NRXN1: variants seen among roughly 807,000 people sequenced by gnomAD.
The protein encoded by NRXN1 is neurexin-1.
In NRXN1, 39 loss-of-function variants were observed where a neutral mutation model predicts 150.9. The ratio of observed to expected loss-of-function variants is 0.26; its 90% CI spans 0.20 to 0.34. The LOEUF (loss-of-function observed/expected upper bound fraction) is 0.34. NRXN1 is among the 10% of genes least tolerant of loss of function. The pLI, the probability that NRXN1 is intolerant of heterozygous loss-of-function variation, is 1.00. For missense variants in NRXN1, 1,815 were observed against 1,949.9 expected (o/e 0.93, Z 1.30); for synonymous variants, 924 against 757.0 (o/e 1.22, Z -3.62).
chr2:50,887,875 T>C (rs1436647772), intron 5 of NRXN1, among the ~76,000 whole-genome samples: 1 of 151,338 alleles, frequency 6.6e-6, no homozygotes, highest in African/African-American at 2.4e-5. Context: ...TCCAAAGTTG[T>C]TGACACCAAG....
intron 5 of NRXN1, chr2:50,632,859 GTATCAA>G (rs1400077441): frequency 6.6e-6 from 1 of 151,854 alleles, no homozygotes; most frequent in Non-Finnish European, 1.5e-5. Flanking sequence ...GTGTGTAGAT[GTATCAA>G]TATCTATTTA....
chr2:49,955,611 G>T (rs1245317739), intron 21 of NRXN1, among the ~76,000 whole-genome samples: 2 of 149,346 alleles, frequency 1.3e-5, no homozygotes, highest in South Asian at 2.1e-4. Context: ...ATCATTTTGG[G>T]TTTTTTTTTT....
chr2:50,252,371 G>T (rs2067210872), intron 17 of NRXN1, among the ~76,000 whole-genome samples: 1 of 145,970 alleles, frequency 6.9e-6, no homozygotes, highest in African/African-American at 2.5e-5. Flanking sequence ...TGATTCTCCT[G>T]CCTCAGCCTC....
At chr2:50,261,066 G>T (rs377341833) in intron 17 of NRXN1, among the ~76,000 whole-genome samples, 1 of 151,676 alleles carries the variant, frequency 6.6e-6, no homozygotes, top group Non-Finnish European at 1.5e-5. Flanking sequence ...TTTCCCCCCA[G>T]ATTGATTTCA....
At chr2:50,047,231 A>C (rs1691951804) in intron 21 of NRXN1, among the ~76,000 whole-genome samples, 1 of 151,990 alleles carries the variant, frequency 6.6e-6, no homozygotes, top group East Asian at 1.9e-4. Flanking sequence ...AGCCTTGGGT[A>C]AGTTAGCTTT....
intron 21 of NRXN1, among the ~76,000 whole-genome samples, chr2:49,960,653 A>G (rs1194713087): frequency 6.6e-6 from 1 of 152,216 alleles, no homozygotes; most frequent in Admixed American, 6.5e-5. Context: ...AGTGGAAGAA[A>G]GAAAGTGAAA....
At chr2:50,978,810 A>G (rs1696326798) in intron 2 of NRXN1, among the ~76,000 whole-genome samples, 1 of 152,080 alleles carries the variant, frequency 6.6e-6, no homozygotes, top group Non-Finnish European at 1.5e-5. Context: ...TAATGATTAA[A>G]TGACTTTCAT....
chr2:50,185,370 T>G (rs2060998617), intron 18 of NRXN1, among the ~76,000 whole-genome samples: 1 of 152,034 alleles, frequency 6.6e-6, no homozygotes, highest in African/African-American at 2.4e-5. Flanking sequence ...AACTTGCTAT[T>G]ACCATATTTG....
chr2:50,922,092 T>G lies in NRXN1; in HGVS notation c.821-212A>C, dbSNP rs1031144964. ...TCTGCCTTTTTTGAAGGCAAGTACATGCAAAAAACTGAAAGGCCCATGCTC... is the reference window on the plus strand; with the variant it reads ...TCTGCCTTTTTTGAAGGCAAGTACAGGCAAAAAACTGAAAGGCCCATGCTC... On this transcript the variant is annotated intron_variant, in intron 4 of 22. Coordinates refer to ENST00000401669, the MANE Select transcript of NRXN1 (RefSeq NM_001330078.2). Among the ~76,000 whole-genome samples, 6 of 151,796 alleles carry G rather than the reference T, an allele frequency of 4.0e-5. No homozygotes were observed. In the East Asian group the frequency reaches 1.2e-3, roughly 30 times the overall value.
intron 5 of NRXN1, among the ~76,000 whole-genome samples, chr2:50,628,372 A>G (rs1377217168): frequency 6.6e-6 from 1 of 151,792 alleles, no homozygotes; most frequent in Non-Finnish European, 1.5e-5. Context: ...GCAACCACAT[A>G]GTTTTGGAAA....
At chr2:50,399,770 T>C (rs1438660997) in intron 17 of NRXN1, among the ~76,000 whole-genome samples, 2 of 95,134 alleles carry the variant, frequency 2.1e-5, no homozygotes, top group Non-Finnish European at 3.9e-5. Flanking sequence ...TCTACCCAGC[T>C]CTGTAACGAG....
At chr2:50,631,791 G>T (rs995153228) in intron 5 of NRXN1, among the ~76,000 whole-genome samples, 7 of 151,874 alleles carry the variant, frequency 4.6e-5, no homozygotes, top group African/African-American at 1.7e-4. Flanking sequence ...ACAGGGAAAG[G>T]AATGAACAAA....
In NRXN1 at chr2:50,019,961, AAAAAAAAAAAAAGAGAG is replaced by A. The variant is rs1464187726; in HGVS notation, c.4128+33293_4128+33309del. On this transcript the variant is annotated intron_variant, in intron 21 of 22. Transcript: ENST00000401669. Reference sequence around the variant, plus strand: ...AGACTCCGTCTCAAAAAAAAAAAAAAAAAAAAAAAAAAGAGAGAGAGAGAGACCTAGGGAGCTACGTC... The same window carrying A: ...AGACTCCGTCTCAAAAAAAAAAAAAAAGAGAGAGACCTAGGGAGCTACGTC... Among the ~76,000 whole-genome samples, 8 of 133,402 alleles carry A rather than the reference AAAAAAAAAAAAAGAGAG, an allele frequency of 6.0e-5. 1 individual carries two copies. The highest frequency in any genetic ancestry group is 1.5e-4 in the Admixed American group (2 of 13,428). 87.5% of individuals were successfully genotyped at this position (133,402 alleles called of 152,430 possible).
Position 50,538,309 on chromosome 2 carries a change from T to C in NRXN1, c.2087A>G (p.Asn696Ser). The part of the protein sequence containing the change: ...KNNGMCRDGW[N>S]RYVCDCSGTG... ...TCCGGAACAATCACAGACATATCTGTTCCACCCATCCCTGCACATGCCATT... is the reference window on the plus strand; with the variant it reads ...TCCGGAACAATCACAGACATATCTGCTCCACCCATCCCTGCACATGCCATT... The change falls in exon 10 of 23, where the codon AAC becomes AGC. Residue 696 changes from asparagine (N) to serine (S), a missense_variant. By Grantham distance (46) the Asn-to-Ser change is conservative. This residue lies in a region of NRXN1 where 638 missense variants were observed against 652.6 expected (regional missense o/e 0.98). Transcript: ENST00000401669. 1 of 1,613,938 alleles carries C rather than the reference T, an allele frequency of 6.2e-7. No individual in the cohort carries two copies. Among genetic ancestry groups the C allele is most frequent in the Non-Finnish European group, 8.5e-7 (1 of 1,179,832 alleles).
At chr2:50,004,990 A>G (rs956570400) in intron 21 of NRXN1, among the ~76,000 whole-genome samples, 2 of 152,120 alleles carry the variant, frequency 1.3e-5, no homozygotes, top group Admixed American at 6.6e-5. Context: ...TGAGGGCCCA[A>G]CAGTTTAGAA....
chr2:50,119,378 T>C (rs1312690631), intron 18 of NRXN1, among the ~76,000 whole-genome samples: 5 of 152,068 alleles, frequency 3.3e-5, no homozygotes, highest in African/African-American at 1.2e-4. Flanking sequence ...ATTTGGAAAA[T>C]GTAAGGAGAT....
chr2:50,593,051 C>T (rs1674546807), intron 8 of NRXN1, among the ~76,000 whole-genome samples: 1 of 152,242 alleles, frequency 6.6e-6, no homozygotes, highest in African/African-American at 2.4e-5. Context: ...TCTCCCTTCA[C>T]CTTGATGCTC....
At chr2:50,447,137 A>G (rs1220614043) in intron 17 of NRXN1, among the ~76,000 whole-genome samples, 2 of 152,072 alleles carry the variant, frequency 1.3e-5, no homozygotes, top group Non-Finnish European at 2.9e-5. Flanking sequence ...TAATCAAACT[A>G]AATATAAATT....
chr2:50,219,969 A>AATATATATTATATAT (rs2063732503), intron 18 of NRXN1, among the ~76,000 whole-genome samples: 2 of 54,392 alleles, frequency 3.7e-5, no homozygotes, highest in African/African-American at 2.8e-4. Context: ...TATATTATAT[A>AATATATATTATATAT]TATATAATAT....
Sources: allele counts gnomAD v4.1 joint callset (sites outside exome capture counted in the v4.1 genomes callset), GRCh38; gene constraint gnomAD v4.1.1; regional missense constraint gnomAD v4.1.1; transcripts MANE v1.5; gene names NCBI Gene and HGNC (gene_info 2026-07-23, HGNC 2026-07-21).